Variants in BACE2 observed in about 807,000 individuals in gnomAD.
The protein encoded by BACE2 is 56 kDa aspartic-like protease.
A neutral mutation model predicts 46.2 loss-of-function variants in BACE2; 17 were observed. The observed-to-expected ratio is 0.37, with a 90% CI of 0.25 to 0.55. BACE2 has a LOEUF of 0.55. Ranked by LOEUF, BACE2 falls within the 20% of genes least tolerant of loss-of-function variation. BACE2 has a pLI of 0.82. For synonymous variants in BACE2, 277 were observed against 295.9 expected, an observed-to-expected ratio of 0.94 and a Z score of 0.66; for missense variants, 595 against 698.1, an observed-to-expected ratio of 0.85 and a Z score of 1.66.
At chr21:41,223,319 G>C (rs530476069) in intron 1 of BACE2, among the ~76,000 whole-genome samples, 5 of 151,140 alleles carry the variant, frequency 3.3e-5, no homozygotes, top group Admixed American at 2.0e-4. Context: ...TTGTGCTGCT[G>C]TACTCCAGCC....
intron 1 of BACE2, chr21:41,176,283 T>C (rs1358265606): frequency 6.6e-6 from 1 of 152,234 alleles, no homozygotes; most frequent in African/African-American, 2.4e-5. Context: ...TGAGGGTGGC[T>C]GCTGCCAGCT....
chr21:41,229,615 T>G (rs959439086), intron 2 of BACE2, among the ~76,000 whole-genome samples: 1 of 151,800 alleles, frequency 6.6e-6, no homozygotes, highest in African/African-American at 2.4e-5. Context: ...CAAGACTATG[T>G]GCAATATTTC....
At chr21:41,191,137 C>T (rs1450922809) in intron 1 of BACE2, among the ~76,000 whole-genome samples, 1 of 152,162 alleles carries the variant, frequency 6.6e-6, no homozygotes, top group Non-Finnish European at 1.5e-5. Flanking sequence ...AGAAACAGTA[C>T]CATATATGGG....
intron 1 of BACE2, among the ~76,000 whole-genome samples, chr21:41,209,981 C>G (rs1986246830): frequency 6.6e-6 from 1 of 152,186 alleles, no homozygotes; most frequent in Non-Finnish European, 1.5e-5. Context: ...TTTCAAAACT[C>G]AGTCAGGGAG....
At chr21:41,215,066 T>C (rs1320643766) in intron 1 of BACE2, among the ~76,000 whole-genome samples, 1 of 152,022 alleles carries the variant, frequency 6.6e-6, no homozygotes. Flanking sequence ...AGCTCAGAGA[T>C]GACCGTGGGC....
chr21:41,232,176 G>A (rs1463193163), intron 2 of BACE2, among the ~76,000 whole-genome samples: 1 of 152,088 alleles, frequency 6.6e-6, no homozygotes, highest in Non-Finnish European at 1.5e-5. Flanking sequence ...AGTCACAAGC[G>A]GCCAGCGTAT....
intron 3 of BACE2, 24 bp from the exon 4 acceptor site, chr21:41,241,795 C>A: frequency 6.2e-7 from 1 of 1,613,424 alleles, no homozygotes; most frequent in Non-Finnish European, 8.5e-7. Flanking sequence ...TAAGCGGGTG[C>A]CCCTCTCTGT....
chr21:41,219,726 C>T lies in BACE2; in HGVS notation c.313-6540C>T, dbSNP rs140164067. On this transcript the variant is annotated intron_variant, in intron 1 of 8. Coordinates refer to ENST00000330333, the MANE Select transcript of BACE2 (RefSeq NM_012105.5). The stretch of plus-strand genomic sequence containing the variant: ...TCCAACAATTTCTCTCCTGTGAAAT[C>T]CATGTAAATGCAGATTTGCTTGGTG... 1.4e-4 allele frequency among the ~76,000 whole-genome samples: 21 copies of T among 152,334 alleles called. No individual in the cohort carries two copies. In the East Asian group the frequency reaches 3.3e-3, roughly 24 times the overall value.
At chr21:41,258,260 A>G (rs1333191132) in intron 8 of BACE2, among the ~76,000 whole-genome samples, 2 of 152,248 alleles carry the variant, frequency 1.3e-5, no homozygotes. Flanking sequence ...AGAATCGATG[A>G]CAATGAGGTA....
At chr21:41,168,809 C>T (rs1174685386) in intron 1 of BACE2, among the ~76,000 whole-genome samples, 1 of 152,082 alleles carries the variant, frequency 6.6e-6, no homozygotes. Flanking sequence ...GCGAGTGTTT[C>T]AGAACTTGTG....
chr21:41,192,939 C>T (rs2123515915), intron 1 of BACE2, among the ~76,000 whole-genome samples: 1 of 152,332 alleles, frequency 6.6e-6, no homozygotes, highest in East Asian at 1.9e-4. Context: ...TGACAAGCCC[C>T]ACACCACTGG....
At chr21:41,237,432 C>G in intron 2 of BACE2, 81 bp from the exon 3 acceptor site, 2 of 1,077,974 alleles carry the variant, frequency 1.9e-6, no homozygotes, top group Non-Finnish European at 2.5e-6. Flanking sequence ...GGTGACAGAG[C>G]AAGACTCCGT....
At chr21:41,235,067 G>T (rs2123590163) in intron 2 of BACE2, among the ~76,000 whole-genome samples, 1 of 152,264 alleles carries the variant, frequency 6.6e-6, no homozygotes. Context: ...CCGTTTGCCA[G>T]ACCTTCGTAA....
At chr21:41,273,388 A>G (rs1206891105) in intron 8 of BACE2, among the ~76,000 whole-genome samples, 2 of 152,200 alleles carry the variant, frequency 1.3e-5, no homozygotes, top group Non-Finnish European at 2.9e-5. Flanking sequence ...CGGCAACCGT[A>G]AAAGACAGAC....
chr21:41,203,586 G>C (rs1352640967), intron 1 of BACE2, among the ~76,000 whole-genome samples: 1 of 152,114 alleles, frequency 6.6e-6, no homozygotes, highest in African/African-American at 2.4e-5. Flanking sequence ...AATACCCATG[G>C]GGAGAGCACC....
chr21:41,237,305 G>T (rs1038644571), intron 2 of BACE2, among the ~76,000 whole-genome samples: 4 of 152,084 alleles, frequency 2.6e-5, no homozygotes, highest in Admixed American at 2.6e-4. Flanking sequence ...AATTAGCTGG[G>T]CGTGGTGATG....
At position 41,226,373 on chromosome 21, in the gene BACE2, G is replaced by A. The variant is rs756894115; in HGVS notation, c.401+19G>A. 5.0e-6 allele frequency: 8 copies of A among 1,603,310 alleles called. No homozygotes were observed. Among genetic ancestry groups the A allele is most frequent in the African/African-American group, 1.3e-5 (1 of 74,518 alleles). ...CAGAGAGGTAAGCGCTGGCCCCTTG[G>A]CTGGTGTGCTGGGCCGGGGCACTGC... On this transcript the variant is annotated intron_variant, in intron 2 of 8. Transcript: ENST00000330333.
chr21:41,237,161 G>T lies in BACE2; in HGVS notation c.402-352G>T, dbSNP rs539966754. Among the ~76,000 whole-genome samples the T allele has an allele frequency of 3.9e-5, 6 of 152,206 alleles. 1 individual carries two copies. The South Asian group carries it at 1.2e-3, about 32-fold the overall frequency. ...CATGGATACATAAGAGAATGCAAGG[G>T]GCTTAGCCGGGCGCAGTGGCTCACG... On this transcript the variant is annotated intron_variant, in intron 2 of 8. Transcript: ENST00000330333.
chr21:41,213,545 C>T (rs545486999), intron 1 of BACE2, among the ~76,000 whole-genome samples: 1 of 152,220 alleles, frequency 6.6e-6, no homozygotes, highest in African/African-American at 2.4e-5. Context: ...GAGGCCAAGG[C>T]GGGCGGATCA....
Sources: allele counts gnomAD v4.1 joint callset (sites outside exome capture counted in the v4.1 genomes callset), GRCh38; gene constraint gnomAD v4.1.1; transcripts MANE v1.5; gene names NCBI Gene and HGNC (gene_info 2026-07-23, HGNC 2026-07-21).